PLCH2: variants seen among roughly 807,000 people sequenced by gnomAD.
PLCH2 encodes the protein 1-phosphatidylinositol 4,5-bisphosphate phosphodiesterase eta-2.
Under a neutral mutation model 134.7 loss-of-function variants are expected in PLCH2, and 98 were observed. The observed-to-expected ratio is 0.73, with a 90% CI of 0.62 to 0.86. PLCH2 has a LOEUF of 0.86. Ranked by LOEUF, PLCH2 falls within the 40% of genes least tolerant of loss-of-function variation. The probability of loss-of-function intolerance (pLI) is 0.00; values close to 1 mark genes in which losing one functional copy is unlikely to be tolerated. For missense variants in PLCH2, 1,994 were observed against 1,986.6 expected (o/e 1.00, Z -0.07); for synonymous variants, 974 against 827.5 (o/e 1.18, Z -3.04).
chr1:2,420,770 G>A, the PLCH2 span, among the ~76,000 whole-genome samples: 1 of 152,222 alleles, frequency 6.6e-6, no homozygotes, highest in Admixed American at 6.5e-5. Context: ...AGGGTGGAGT[G>A]AGTGATCGAT....
Position 2,498,808 on chromosome 1 carries a change from C to A in PLCH2, c.2414C>A (p.Thr805Asn). 3 of 1,610,588 alleles carry A rather than the reference C, an allele frequency of 1.9e-6. No homozygotes were observed. Among genetic ancestry groups the A allele is most frequent in the Non-Finnish European group, 2.5e-6 (3 of 1,178,460 alleles). ...GLPVDCSREQ[T>N]RVVDDNGFNP... ...CCTGTGGACTGCAGCAGGGAGCAGA[C>A]CCGCGTGGTGGACGACAACGGTGAG... Residue 805 changes from threonine to asparagine, a missense_variant, in exon 18 of 22, where the codon ACC (threonine) becomes AAC (asparagine). This residue lies in a region of PLCH2 where 1,094 missense variants were observed against 1,234.3 expected (regional missense o/e 0.89). Transcript: ENST00000378486. This position sits in a 1 kb window ranked among gnomAD's most constrained non-coding sequence, Gnocchi z 5.4.
In PLCH2 at chr1:2,505,169, C is replaced by T; in HGVS notation, c.4207C>T (p.Pro1403Ser). Reference protein sequence around the residue: ...APAPSKGALGPASAAAENLVL... With the variant: ...APAPSKGALGSASAAAENLVL... The stretch of plus-strand genomic sequence containing the variant: ...AGCACCCTCCAAGGGAGCCCTCGGG[C>T]CAGCATCCGCGGCTGCTGAAAACCT... Residue 1403 changes from proline (P) to serine (S), a missense_variant, in exon 22 of 22, where the codon CCA becomes TCA. Transcript: ENST00000378486. 6.4e-7 allele frequency: 1 copy of T among 1,570,030 alleles called. No homozygotes were observed.
upstream of PLCH2, among the ~76,000 whole-genome samples, chr1:2,424,711 G>A (rs1439659056): frequency 6.6e-6 from 1 of 152,142 alleles, no homozygotes; most frequent in Non-Finnish European, 1.5e-5. Flanking sequence ...AATTAGGCCG[G>A]GCGCGGTGGC....
upstream of PLCH2, among the ~76,000 whole-genome samples, chr1:2,423,353 A>T (rs1057195146): frequency 6.6e-6 from 1 of 151,804 alleles, no homozygotes; most frequent in African/African-American, 2.4e-5. Flanking sequence ...ACACCCAGCT[A>T]TTTTTTTTAA....
At chr1:2,468,301 C>A (rs574645120) in intron 1 of PLCH2, among the ~76,000 whole-genome samples, 11 of 152,274 alleles carry the variant, frequency 7.2e-5, no homozygotes, top group African/African-American at 2.7e-4. Flanking sequence ...CATCCCGCTC[C>A]GCTCCGGGTT....
At chr1:2,424,811 C>T (rs1297534419), upstream of PLCH2, among the ~76,000 whole-genome samples, 2 of 152,166 alleles carry the variant, frequency 1.3e-5, no homozygotes, top group African/African-American at 4.8e-5. Flanking sequence ...CACAGTGAAA[C>T]CCTGTCTCTA....
rs1208851211 is a variant in PLCH2, at chr1:2,491,223, C to A, written c.1547C>A (p.Thr516Asn). 1.2e-6 allele frequency: 2 copies of A among 1,613,102 alleles called. No homozygotes were observed. Among genetic ancestry groups the A allele is most frequent in the Non-Finnish European group, 1.7e-6 (2 of 1,179,782 alleles). Reference protein sequence around the residue: ...ASTNRKRVENTAKRKLDSLIK... With the variant: ...ASTNRKRVENNAKRKLDSLIK... ...ACCAATCGAAAGCGTGTAGAAAACACTGCTAAGAGGAAACTGGATTCCCTC... is the reference window on the plus strand; with the variant it reads ...ACCAATCGAAAGCGTGTAGAAAACAATGCTAAGAGGAAACTGGATTCCCTC... The change falls in exon 11 of 22, where the codon ACT (threonine) becomes AAT (asparagine). Residue 516 changes from threonine (T) to asparagine (N), a missense_variant. Transcript: ENST00000378486.
intron 5 of PLCH2, among the ~76,000 whole-genome samples, chr1:2,485,921 G>A (rs544216018): frequency 3.9e-5 from 6 of 152,260 alleles, no homozygotes; most frequent in East Asian, 1.9e-4. Flanking sequence ...CCACCTGGCC[G>A]GGGCAGCTTG....
intron 2 of PLCH2, chr1:2,479,049 T>G: frequency 1.6e-5 from 3 of 184,840 alleles, no homozygotes; most frequent in East Asian, 1.3e-4. Context: ...CCACCCGAGA[T>G]GGAGGCTCTG....
At chr1:2,441,075 G>A (rs544897647) in intron 2 of PLCH2, among the ~76,000 whole-genome samples, 37 of 152,310 alleles carry the variant, frequency 2.4e-4, no homozygotes, top group Admixed American at 2.3e-3. Flanking sequence ...AGGTGCCCAG[G>A]AAGTGGAGGG....
At chr1:2,487,451 C>A in intron 7 of PLCH2, 75 bp downstream of exon 7, 2 of 1,478,378 alleles carry the variant, frequency 1.4e-6, no homozygotes, top group East Asian at 4.7e-5. Flanking sequence ...GAGGAGCCCC[C>A]GGGGGGATCT....
At chr1:2,422,581 A>G (rs888902328), upstream of PLCH2, among the ~76,000 whole-genome samples, 2 of 152,230 alleles carry the variant, frequency 1.3e-5, no homozygotes, top group African/African-American at 2.4e-5. Flanking sequence ...TTGTTGCGAT[A>G]ACAGAATCTG....
rs1346195481 is a variant in PLCH2 at position 2,448,571 on chromosome 1, G to T, written c.115+17942G>T. ...TTTTCCAAATAAGGCCAAATTCACA[G>T]GCTCTGGGATGCGGATGTGTTTTCT... On this transcript the variant is annotated intron_variant, in intron 2 of 3. Transcript: ENST00000609981. The surrounding 1 kb of genome is among the most constrained non-coding windows in gnomAD (Gnocchi z 4.0). Among the ~76,000 whole-genome samples, 1 of 152,294 alleles carries T rather than the reference G, an allele frequency of 6.6e-6. No homozygotes were observed. Among genetic ancestry groups the T allele is most frequent in the East Asian group, 1.9e-4 (1 of 5,178 alleles).
At chr1:2,463,397 C>T (rs567921022), upstream of PLCH2, among the ~76,000 whole-genome samples, 3 of 152,330 alleles carry the variant, frequency 2.0e-5, no homozygotes, top group Admixed American at 1.3e-4. Flanking sequence ...GTCCCCAGGT[C>T]GCCCTGGTGC....
Position 2,494,573 on chromosome 1 carries a change from A to G in PLCH2, c.1660-283A>G, listed in dbSNP as rs1055940102. The G allele has an allele frequency of 5.4e-6, 3 of 553,256 alleles. No homozygotes were observed. In the East Asian group the frequency reaches 9.3e-5, roughly 17 times the overall value. The allele number at this position is 553,256 out of a possible 1,614,324, so 34.3% of individuals were successfully genotyped here. ...CTTAACGAGTTTAAAACAACACATG[A>G]GAGACGCTGAGGCAGGTGTGAGCGA... On this transcript the variant is annotated intron_variant, in intron 11 of 21. Transcript: ENST00000378486.
In PLCH2 at chr1:2,480,313, G is replaced by T; in HGVS notation, c.645+1G>T. 2 of 1,611,498 alleles carry T rather than the reference G, an allele frequency of 1.2e-6. No homozygotes were observed. The highest frequency in any genetic ancestry group is 1.7e-6 in the Non-Finnish European group (2 of 1,179,042). ...GCAGAGGGTGAAGCAGATGTTCAGG[G>T]TGAGCTGGGGGGAGCCCTACCTGGG... On this transcript the variant is annotated splice_donor_variant, in intron 4 of 21. Coordinates refer to ENST00000378486, the MANE Select transcript of PLCH2 (RefSeq NM_014638.4). LOFTEE classifies it high-confidence loss of function.
chr1:2,435,244 G>A (rs915372553), intron 2 of PLCH2, among the ~76,000 whole-genome samples: 5 of 152,168 alleles, frequency 3.3e-5, no homozygotes, highest in Admixed American at 2.0e-4. Flanking sequence ...CCTGCGGACA[G>A]TGAGCAGGCC....
intron 2 of PLCH2, among the ~76,000 whole-genome samples, chr1:2,431,330 CGTGTGTGTGT>C (rs35263617): frequency 1.3e-5 from 2 of 151,110 alleles, no homozygotes; most frequent in African/African-American, 4.9e-5. Flanking sequence ...TGCCCAAGTG[CGTGTGTGTGT>C]GTGTGTGCTC....
At chr1:2,479,271 GCGCT>G in intron 2 of PLCH2, 1 of 167,356 alleles carries the variant, frequency 6.0e-6, no homozygotes, top group Admixed American at 5.5e-5. Context: ...GGAGAGAGTC[GCGCT>G]GCGGAGCCCC....
Sources: allele counts gnomAD v4.1 joint callset (sites outside exome capture counted in the v4.1 genomes callset), GRCh38; gene constraint gnomAD v4.1.1; regional missense constraint gnomAD v4.1.1; non-coding constraint Gnocchi (gnomAD v3.1); transcripts MANE v1.5; gene names NCBI Gene and HGNC (gene_info 2026-07-23, HGNC 2026-07-21).